TMEM54: variants seen among roughly 807,000 people sequenced by gnomAD.
TMEM54 encodes beta-casein-like protein.
In TMEM54, 21 loss-of-function variants were observed where a neutral mutation model predicts 21.3. The ratio of observed to expected loss-of-function variants is 0.99; its 90% CI spans 0.70 to 1.42. The LOEUF (loss-of-function observed/expected upper bound fraction) is 1.42. Among genes scored for constraint, TMEM54 ranks in the 40% most tolerant of loss-of-function variants. The pLI is 0.00. For missense variants in TMEM54, 246 were observed against 294.0 expected, an observed-to-expected ratio of 0.84 and a Z score of 1.19; for synonymous variants, 109 against 125.0, an observed-to-expected ratio of 0.87 and a Z score of 0.86.
At position 32,895,288 on chromosome 1, in the gene TMEM54, C is replaced by T. The variant is rs749210213; in HGVS notation, c.594+17G>A. The T allele has an allele frequency of 4.4e-6, 7 of 1,600,570 alleles. No homozygotes were observed. The African/African-American group carries it at 9.4e-5, about 21-fold the overall frequency. Reference sequence around the variant, plus strand: ...TCCCAGGAAATTCGGGGAGTCAGGGCTGTGGAGGGAACTTACCATGTGGTG... The same window carrying T: ...TCCCAGGAAATTCGGGGAGTCAGGGTTGTGGAGGGAACTTACCATGTGGTG... On this transcript the variant is annotated intron_variant, in intron 5 of 5. Coordinates refer to ENST00000373463, the MANE Select transcript of TMEM54 (RefSeq NM_033504.4). This position sits in a 1 kb window ranked among gnomAD's most constrained non-coding sequence, Gnocchi z 5.8.
Position 32,894,834 on chromosome 1 carries a change from A to G in TMEM54, c.640T>C (p.Cys214Arg), listed in dbSNP as rs769711526. The stretch of plus-strand genomic sequence containing the variant: ...AGGGTCAGAGGCTCAGAGCTGGTGC[A>G]GCTCAGCAGGTCACGGCCCTCCACC... ...ELVEGRDLLS[C>R]TSSEPLTL The change falls in exon 6 of 6, where the codon TGC becomes CGC. Residue 214 changes from cysteine (C) to arginine (R), a missense_variant. By Grantham distance (180) the Cys-to-Arg change is radical. Transcript: ENST00000373463. 4 of 1,604,304 alleles carry G rather than the reference A, an allele frequency of 2.5e-6. No homozygotes were observed. Among genetic ancestry groups the G allele is most frequent in the Admixed American group, 1.7e-5 (1 of 59,692 alleles).
chr1:32,899,616 A>T (rs910662876), intron 1 of TMEM54, among the ~76,000 whole-genome samples: 1 of 152,208 alleles, frequency 6.6e-6, no homozygotes, highest in South Asian at 2.1e-4. Context: ...CTGAGGCAGA[A>T]GGATCTTCTG....
At chr1:32,900,425 A>G (rs1262388297) in intron 1 of TMEM54, among the ~76,000 whole-genome samples, 1 of 151,776 alleles carries the variant, frequency 6.6e-6, no homozygotes, top group South Asian at 2.1e-4. Flanking sequence ...GGATTTCACT[A>G]TGTTGGCCAG....
chr1:32,894,922 C>T (rs765800514), intron 5 of TMEM54, 43 bp from the exon 6 acceptor site: 10 of 1,596,036 alleles, frequency 6.3e-6, no homozygotes, highest in Non-Finnish European at 7.7e-6. Flanking sequence ...GGTTCTCAGC[C>T]TGGGTCTCCT....
chr1:32,895,626 C>T lies in TMEM54; in HGVS notation c.388G>A (p.Ala130Thr). ...AGTTCAGAGCTCCCAAAAGTGCAGG[C>T]AGCCAGCAGTGCCTTGCCCTGGGTG... ...FATQGKALLA[A>T]CTFGSSELLA... The change falls in exon 4 of 6, where the codon GCC (alanine) becomes ACC (threonine). Residue 130 changes from alanine (A) to threonine (T), a missense_variant. Ala to Thr is a moderately conservative substitution (Grantham distance 58). Coordinates refer to ENST00000373463, the MANE Select transcript of TMEM54 (RefSeq NM_033504.4). This position sits in a 1 kb window ranked among gnomAD's most constrained non-coding sequence, Gnocchi z 5.8. 1.9e-6 allele frequency: 3 copies of T among 1,571,202 alleles called. No individual in the cohort carries two copies. Among genetic ancestry groups the T allele is most frequent in the South Asian group, 2.3e-5 (2 of 85,554 alleles).
chr1:32,898,096 C>A, intron 2 of TMEM54, 30 bp downstream of exon 2: 1 of 1,572,650 alleles, frequency 6.4e-7, no homozygotes, highest in Non-Finnish European at 8.7e-7. Context: ...CAGCCTCCTC[C>A]CACCAACCAC....
At position 32,895,889 on chromosome 1, in the gene TMEM54, A is replaced by T. The variant is rs755484554; in HGVS notation, c.270+21T>A. Reference sequence around the variant, plus strand: ...GCCCCTACCCTTCCCTCACAGCCCCATCCCAGGAGGCACCACGTACCAGGG... The same window carrying T: ...GCCCCTACCCTTCCCTCACAGCCCCTTCCCAGGAGGCACCACGTACCAGGG... On this transcript the variant is annotated intron_variant, in intron 3 of 5. Transcript: ENST00000373463. The surrounding 1 kb of genome is among the most constrained non-coding windows in gnomAD (Gnocchi z 5.8). 2.5e-6 allele frequency: 4 copies of T among 1,608,704 alleles called. No homozygotes were observed. In the South Asian group the frequency reaches 4.4e-5, roughly 18 times the overall value.
Position 32,895,428 on chromosome 1 carries a change from C to T in TMEM54, c.471G>A (p.Leu157=). 3.1e-6 allele frequency: 5 copies of T among 1,611,350 alleles called. No individual in the cohort carries two copies. Among genetic ancestry groups the T allele is most frequent in the Non-Finnish European group, 4.2e-6 (5 of 1,177,940 alleles). Residue 157 remains leucine, a synonymous_variant, in exon 5 of 6, where the codon CTG becomes CTA. Transcript: ENST00000373463. The surrounding 1 kb of genome is among the most constrained non-coding windows in gnomAD (Gnocchi z 5.8). ...GCACTAGGGCGATGCCCCAGAGGCA[C>T]AGGCTGGAGCTCTGCGGGGCATGGG... The part of the protein sequence containing the change: ...FDPTRIYSSS[L]CLWGIALVLC...
Position 32,901,320 on chromosome 1 carries a change from G to T in TMEM54, c.-82C>A. The stretch of plus-strand genomic sequence containing the variant: ...CGCCGGGGGACCCTGCTCCCATCCC[G>T]CTGGCCCGTCGCCCGCGCGCCCCGC... On this transcript the variant is annotated 5_prime_UTR_variant, in exon 1 of 6. Coordinates refer to ENST00000373463, the MANE Select transcript of TMEM54 (RefSeq NM_033504.4). The surrounding 1 kb of genome is among the most constrained non-coding windows in gnomAD (Gnocchi z 4.2). The T allele has an allele frequency of 1.7e-6, 2 of 1,196,166 alleles. No homozygotes were observed. Among genetic ancestry groups the T allele is most frequent in the Non-Finnish European group, 2.1e-6 (2 of 957,800 alleles). The allele number at this position is 1,196,166 out of a possible 1,614,324, so 74.1% of individuals were successfully genotyped here. A position where few individuals can be genotyped will look rare whatever the true frequency, so the allele number is the denominator to read the frequency against.
Position 32,896,046 on chromosome 1 carries a change from T to TAATGATCTCACCGGCGCC in TMEM54, c.211-95_211-78dup. 4 of 1,513,016 alleles carry TAATGATCTCACCGGCGCC rather than the reference T, an allele frequency of 2.6e-6. No homozygotes were observed. Among genetic ancestry groups the TAATGATCTCACCGGCGCC allele is most frequent in the Non-Finnish European group, 3.6e-6 (4 of 1,114,018 alleles). 93.7% of individuals were successfully genotyped at this position (1,513,016 alleles called of 1,614,324 possible). A position where few individuals can be genotyped will look rare whatever the true frequency, so the allele number is the denominator to read the frequency against. ...CAGGGGGATCAGGGCCACTCTGGGA[T>TAATGATCTCACCGGCGCC]AATGATCTCACCGGCGCCAACCATT... On this transcript the variant is annotated intron_variant, in intron 2 of 5. Transcript: ENST00000373463. The surrounding 1 kb of genome is among the most constrained non-coding windows in gnomAD (Gnocchi z 4.1).
Position 32,895,869 on chromosome 1 carries a change from T to G in TMEM54, c.270+41A>C, listed in dbSNP as rs1490417012. On this transcript the variant is annotated intron_variant, in intron 3 of 5. Transcript: ENST00000373463. This position sits in a 1 kb window ranked among gnomAD's most constrained non-coding sequence, Gnocchi z 5.8. ...GCCCTTGGCGGGTGGCTGCTGCCCCTACCCTTCCCTCACAGCCCCATCCCA... is the reference window on the plus strand; with the variant it reads ...GCCCTTGGCGGGTGGCTGCTGCCCCGACCCTTCCCTCACAGCCCCATCCCA... 6.3e-7 allele frequency: 1 copy of G among 1,599,558 alleles called. No homozygotes were observed. The highest frequency in any genetic ancestry group is 1.7e-5 in the Admixed American group (1 of 58,980).
Position 32,894,884 on chromosome 1 carries a change from A to G in TMEM54, c.595-5T>C, listed in dbSNP as rs538194697. 2.2e-5 allele frequency: 36 copies of G among 1,608,730 alleles called. No homozygotes were observed. The Middle Eastern group carries it at 1.2e-3, about 52-fold the overall frequency. On this transcript the variant is annotated splice_polypyrimidine_tract_variant and splice_region_variant and intron_variant, in intron 5 of 5. Transcript: ENST00000373463. ...CAGCTCTGGGTTCTCCCGCATCTGC[A>G]GAGACACAGGAGGCTGCCAGACCCA...
rs1382859571 is a variant in TMEM54 at position 32,895,148 on chromosome 1, C to T, written c.594+157G>A. 6.6e-6 allele frequency among the ~76,000 whole-genome samples: 1 copy of T among 152,136 alleles called. No homozygotes were observed. The highest frequency in any genetic ancestry group is 2.4e-5 in the African/African-American group (1 of 41,418). ...GACTCTGCTGGGAGATCTCACCTCT[C>T]CCAGCCTCCAGGCCTCTCCCTTTGC... is the stretch of plus-strand genomic sequence containing the variant. On this transcript the variant is annotated intron_variant, in intron 5 of 5. Transcript: ENST00000373463. This position sits in a 1 kb window ranked among gnomAD's most constrained non-coding sequence, Gnocchi z 5.8.
chr1:32,901,213 A>T lies in TMEM54; in HGVS notation c.16+10T>A. On this transcript the variant is annotated intron_variant, in intron 1 of 5. Coordinates refer to ENST00000373463, the MANE Select transcript of TMEM54 (RefSeq NM_033504.4). This position sits in a 1 kb window ranked among gnomAD's most constrained non-coding sequence, Gnocchi z 4.2. ...GGTTCGGGGCCTCCCGCGCGCCCCC[A>T]GTCGCTCACCGAGGCGCAGACACAT... 1 of 1,489,398 alleles carries T rather than the reference A, an allele frequency of 6.7e-7. No homozygotes were observed. Among genetic ancestry groups the T allele is most frequent in the Non-Finnish European group, 9.0e-7 (1 of 1,106,890 alleles). The allele number at this position is 1,489,398 out of a possible 1,614,324, so 92.3% of individuals were successfully genotyped here.
At position 32,901,120 on chromosome 1, in the gene TMEM54, A is replaced by G; in HGVS notation, c.16+103T>C. On this transcript the variant is annotated intron_variant, in intron 1 of 5. Transcript: ENST00000373463. This position sits in a 1 kb window ranked among gnomAD's most constrained non-coding sequence, Gnocchi z 4.2. ...CCTCGTAGTAAGTTAGAGGCAGAGC[A>G]GGTGGCCTGGCCCCCTGGGGGCTCG... 1 of 1,239,226 alleles carries G rather than the reference A, an allele frequency of 8.1e-7. No homozygotes were observed. The highest frequency in any genetic ancestry group is 1.1e-6 in the Non-Finnish European group (1 of 951,418). The allele number at this position is 1,239,226 out of a possible 1,614,324, so 76.8% of individuals were successfully genotyped here.
Position 32,895,577 on chromosome 1 carries a change from G to C in TMEM54, c.437C>G (p.Pro146Arg), listed in dbSNP as rs1557544603. 3.1e-6 allele frequency: 5 copies of C among 1,590,366 alleles called. No individual in the cohort carries two copies. The highest frequency in any genetic ancestry group is 4.3e-6 in the Non-Finnish European group (5 of 1,168,572). The stretch of plus-strand genomic sequence containing the variant: ...CACATAAATGCGTGTGGGGTCGAAG[G>C]GACAGTCAGGTGCGAGGGCCAGTAG... ...SELLALAPDC[P>R]FDPTRIYSSS... Residue 146 changes from proline to arginine, a missense_variant, in exon 4 of 6, where the codon CCC (proline) becomes CGC (arginine). By Grantham distance (103) the Pro-to-Arg change is moderately radical. Transcript: ENST00000373463. This position sits in a 1 kb window ranked among gnomAD's most constrained non-coding sequence, Gnocchi z 5.8.
intron 1 of TMEM54, among the ~76,000 whole-genome samples, chr1:32,899,843 C>T (rs1478635585): frequency 6.6e-6 from 1 of 152,222 alleles, no homozygotes; most frequent in African/African-American, 2.4e-5. Context: ...CCAGCCCCTC[C>T]CCTCTGGGCC....
intron 1 of TMEM54, among the ~76,000 whole-genome samples, chr1:32,899,748 T>C (rs953754432): frequency 3.3e-5 from 5 of 152,196 alleles, no homozygotes; most frequent in Admixed American, 6.5e-5. Flanking sequence ...CTGGGACATC[T>C]GTCTGAAGCT....
rs1641597211 is a variant in TMEM54, at chr1:32,896,205, A to C, written c.211-236T>G. The stretch of plus-strand genomic sequence containing the variant: ...TCTCTACAACCTTCCATGAGTCCCC[A>C]CTCCTAAGCCTGTGTCTCAAGCAGG... On this transcript the variant is annotated intron_variant, in intron 2 of 5. Transcript: ENST00000373463. The surrounding 1 kb of genome is among the most constrained non-coding windows in gnomAD (Gnocchi z 4.1). 6.4e-6 allele frequency: 3 copies of C among 465,532 alleles called. No individual in the cohort carries two copies. Among genetic ancestry groups the C allele is most frequent in the Non-Finnish European group, 3.8e-6 (1 of 261,662 alleles). 28.8% of individuals were successfully genotyped at this position (465,532 alleles called of 1,614,324 possible). A position where few individuals can be genotyped will look rare whatever the true frequency, so the allele number is the denominator to read the frequency against.
Sources: gnomAD v4.1 joint callset for allele counts (sites outside exome capture counted in the v4.1 genomes callset) on GRCh38, gnomAD v4.1.1 for gene constraint, Gnocchi (gnomAD v3.1) non-coding constraint, MANE v1.5 for transcripts, NCBI Gene and HGNC (gene_info 2026-07-23, HGNC 2026-07-21) for gene names.